The following TAF2 variants were observed in gnomAD, a reference collection of about 807,000 sequenced individuals.
TAF2 encodes transcription initiation factor TFIID subunit 2.
Under a neutral mutation model 138.5 loss-of-function variants are expected in TAF2, and 61 were observed. That is an observed-to-expected ratio of 0.44 (90% CI 0.36 to 0.54). The LOEUF (loss-of-function observed/expected upper bound fraction) is 0.54, where lower values mean the gene tolerates loss of function less well. Among genes scored for constraint, TAF2 ranks in the 20% least tolerant of loss-of-function variants. The pLI is 0.00. For synonymous variants in TAF2, 475 were observed against 469.9 expected, an observed-to-expected ratio of 1.01 and a Z score of -0.14; for missense variants, 1,090 against 1,427.9, an observed-to-expected ratio of 0.76 and a Z score of 3.81.
chr8:119,822,838 A>C (rs186511334), intron 2 of TAF2, among the ~76,000 whole-genome samples: 8 of 152,198 alleles, frequency 5.3e-5, no homozygotes, highest in African/African-American at 1.9e-4. Flanking sequence ...TCACCAGAAA[A>C]GAATTCAGAA....
intron 18 of TAF2, among the ~76,000 whole-genome samples, chr8:119,772,540 A>AC (rs1186888860): frequency 6.6e-6 from 1 of 152,132 alleles, no homozygotes; most frequent in East Asian, 1.9e-4. Flanking sequence ...AGAAGTCCAA[A>AC]CCCAACTGTT....
At chr8:119,732,806 T>TAAAC (rs1421314144) in intron 25 of TAF2, among the ~76,000 whole-genome samples, 1 of 151,814 alleles carries the variant, frequency 6.6e-6, no homozygotes, top group Non-Finnish European at 1.5e-5. Context: ...TCCATCTTAA[T>TAAAC]AAACAAACAA....
At chr8:119,762,690 AT>A in intron 18 of TAF2, 82 bp from the exon 19 acceptor site, 1 of 1,319,880 alleles carries the variant, frequency 7.6e-7, no homozygotes, top group Non-Finnish European at 1.0e-6. Flanking sequence ...GTATAATTAC[AT>A]TTTAGATAAA....
chr8:119,732,718 C>A (rs1818964617), intron 25 of TAF2, among the ~76,000 whole-genome samples: 1 of 152,058 alleles, frequency 6.6e-6, no homozygotes, highest in African/African-American at 2.4e-5. Context: ...GTAGGAGAAT[C>A]ACTTGAACCT....
intron 2 of TAF2, among the ~76,000 whole-genome samples, chr8:119,826,891 C>T (rs1231222768): frequency 6.6e-6 from 1 of 152,112 alleles, no homozygotes; most frequent in African/African-American, 2.4e-5. Flanking sequence ...CAGCCTCCTC[C>T]TTCTTAAGAT....
At chr8:119,772,534 G>A (rs1276173371) in intron 18 of TAF2, among the ~76,000 whole-genome samples, 1 of 152,120 alleles carries the variant, frequency 6.6e-6, no homozygotes, top group Non-Finnish European at 1.5e-5. Context: ...TACACTAGAA[G>A]TCCAAACCCA....
chr8:119,770,849 C>G (rs1821782089), intron 18 of TAF2, among the ~76,000 whole-genome samples: 1 of 152,172 alleles, frequency 6.6e-6, no homozygotes. Context: ...TGAGGGCGGA[C>G]TGCCTGAACT....
At chr8:119,793,744 T>C (rs953431756) in intron 9 of TAF2, among the ~76,000 whole-genome samples, 3 of 152,180 alleles carry the variant, frequency 2.0e-5, no homozygotes, top group East Asian at 1.9e-4. Flanking sequence ...TGTCTCCAAG[T>C]TTATTTTTCC....
intron 4 of TAF2, 150 bp from the exon 5 acceptor site, chr8:119,804,169 C>T: frequency 2.3e-6 from 2 of 880,408 alleles, no homozygotes; most frequent in Non-Finnish European, 3.5e-6. Flanking sequence ...AGACTTTTAC[C>T]ATATGTCTGC....
At chr8:119,822,262 C>T (rs1352883426) in intron 2 of TAF2, among the ~76,000 whole-genome samples, 2 of 151,370 alleles carry the variant, frequency 1.3e-5, no homozygotes, top group African/African-American at 4.9e-5. Flanking sequence ...TGCTCTGTCA[C>T]CCAGGCTGGA....
chr8:119,766,301 C>A (rs1191140972), intron 18 of TAF2, among the ~76,000 whole-genome samples: 1 of 152,120 alleles, frequency 6.6e-6, no homozygotes, highest in Non-Finnish European at 1.5e-5. Flanking sequence ...AGGGGTGCTA[C>A]AAGCATTTAA....
intron 10 of TAF2, 37 bp from the exon 11 acceptor site, chr8:119,791,496 T>C: frequency 1.3e-6 from 2 of 1,596,830 alleles, no homozygotes; most frequent in South Asian, 1.1e-5. Flanking sequence ...ATACAGCAAA[T>C]GTGACTATTA....
intron 9 of TAF2, among the ~76,000 whole-genome samples, chr8:119,793,882 G>C (rs1823621587): frequency 6.8e-6 from 1 of 146,824 alleles, no homozygotes; most frequent in African/African-American, 2.5e-5. Flanking sequence ...TTTTAAAAAG[G>C]GGGATTTTTT....
chr8:119,760,136 TA>T (rs1382190543), intron 20 of TAF2, among the ~76,000 whole-genome samples: 1 of 151,084 alleles, frequency 6.6e-6, no homozygotes. Context: ...TCCCCTAAAT[TA>T]AAAAAAAATA....
intron 18 of TAF2, among the ~76,000 whole-genome samples, chr8:119,772,471 C>T (rs970488431): frequency 7.2e-5 from 11 of 152,106 alleles, no homozygotes; most frequent in Non-Finnish European, 1.3e-4. Flanking sequence ...AGGAGGGAAG[C>T]GAGGGTTGAA....
At chr8:119,752,159 T>C (rs908567321) in intron 22 of TAF2, among the ~76,000 whole-genome samples, 8 of 152,320 alleles carry the variant, frequency 5.3e-5, no homozygotes, top group African/African-American at 1.9e-4. Flanking sequence ...TATATGATTA[T>C]GCATTGTATT....
chr8:119,771,993 C>G (rs899997787), intron 18 of TAF2, among the ~76,000 whole-genome samples: 4 of 152,148 alleles, frequency 2.6e-5, no homozygotes, highest in African/African-American at 9.7e-5. Flanking sequence ...AGTATCTTCT[C>G]AGACCACAGT....
At chr8:119,745,049 T>C (rs753025441) in intron 23 of TAF2, 2 of 455,980 alleles carry the variant, frequency 4.4e-6, no homozygotes, top group South Asian at 3.1e-5. Flanking sequence ...GCGGCAATAT[T>C]CAAGATCAAA....
intron 2 of TAF2, among the ~76,000 whole-genome samples, chr8:119,826,240 A>G (rs1826090752): frequency 6.6e-6 from 1 of 151,588 alleles, no homozygotes; most frequent in Non-Finnish European, 1.5e-5. Context: ...TGCACATGTA[A>G]CCCAGAACTT....
Sources: gnomAD v4.1 joint callset for allele counts (sites outside exome capture counted in the v4.1 genomes callset) on GRCh38, gnomAD v4.1.1 for gene constraint, MANE v1.5 for transcripts, NCBI Gene and HGNC (gene_info 2026-07-23, HGNC 2026-07-21) for gene names.